RGMA: variants seen among roughly 807,000 people sequenced by gnomAD.
RGMA encodes the protein repulsive guidance molecule BMP co-receptor a, also known as repulsive guidance molecule A.
RGMA carries 10 observed loss-of-function variants against 23.2 expected under a neutral mutation model. The ratio of observed to expected loss-of-function variants is 0.43; its 90% CI spans 0.27 to 0.73. The LOEUF (loss-of-function observed/expected upper bound fraction) is 0.73. Ranked by LOEUF, RGMA falls within the 30% of genes least tolerant of loss-of-function variation. The pLI, the probability that RGMA is intolerant of heterozygous loss-of-function variation, is 0.20. For synonymous variants in RGMA, 308 were observed against 279.3 expected (o/e 1.10, Z -1.03); for missense variants, 547 against 630.5 (o/e 0.87, Z 1.42).
Position 93,069,299 on chromosome 15 carries a change from G to A in RGMA, c.130+3617C>T, listed in dbSNP as rs146974371. Among the ~76,000 whole-genome samples the A allele has an allele frequency of 4.1e-3, 625 of 152,270 alleles. 3 individuals are homozygous for A. The highest frequency in any genetic ancestry group is 7.1e-3 in the Admixed American group (108 of 15,292). Reference sequence around the variant, plus strand: ...TAATTTTTGTATTTTCAGTAGAAACGGGGTTTCGCTATGTTGGTCAGGCTG... The same window carrying A: ...TAATTTTTGTATTTTCAGTAGAAACAGGGTTTCGCTATGTTGGTCAGGCTG... On this transcript the variant is annotated intron_variant, in intron 2 of 3. Transcript: ENST00000329082.
At chr15:93,055,736 A>G (rs1328936616) in intron 2 of RGMA, among the ~76,000 whole-genome samples, 1 of 152,146 alleles carries the variant, frequency 6.6e-6, no homozygotes, top group East Asian at 1.9e-4. Flanking sequence ...TCCAGCAGAC[A>G]AGTTCCAAGG....
rs1005422272 is a variant in RGMA at position 93,048,022 on chromosome 15, C to T, written c.646-2317G>A. 3.9e-5 allele frequency among the ~76,000 whole-genome samples: 6 copies of T among 152,154 alleles called. No homozygotes were observed. In the South Asian group the frequency reaches 8.3e-4, roughly 21 times the overall value. On this transcript the variant is annotated intron_variant, in intron 3 of 3. Transcript: ENST00000329082. ...TGGGGCCCGGAGGCCAGGGGTGCAG[C>T]AGAGTGGCCTGTTTGGGGCGGGCTG... is the stretch of plus-strand genomic sequence containing the variant.
chr15:93,066,063 A>G, intron 2 of RGMA: 1 of 1,516,842 alleles, frequency 6.6e-7, no homozygotes, highest in Non-Finnish European at 9.1e-7. Context: ...GTGGTGGGGC[A>G]ACTGAGGGAG....
At chr15:93,049,137 G>A (rs1176364911) in intron 3 of RGMA, among the ~76,000 whole-genome samples, 1 of 152,250 alleles carries the variant, frequency 6.6e-6, no homozygotes, top group East Asian at 1.9e-4. Flanking sequence ...TGCCGCTCCT[G>A]TCTCTGCTGC....
chr15:93,073,932 G>A, intron 1 of RGMA: 1 of 1,431,834 alleles, frequency 7.0e-7, no homozygotes, highest in Non-Finnish European at 9.1e-7. Flanking sequence ...AGGGCCGGAT[G>A]GTTTGGCGCT....
rs1372453924 is a variant in RGMA at position 93,040,875 on chromosome 15, C to T, written c.*4123G>A. ...CCAGGGCCATGTGCGAGGCCATTGA[C>T]GAGTGTTAGCTCACTGGATTTCCAT... On this transcript the variant is annotated 3_prime_UTR_variant, in exon 4 of 4. Transcript: ENST00000329082. 3.9e-5 allele frequency: 6 copies of T among 152,296 alleles called. No homozygotes were observed. Among genetic ancestry groups the T allele is most frequent in the South Asian group, 2.1e-4 (1 of 4,822 alleles). The allele number at this position is 152,296 out of a possible 1,614,324, so 9.4% of individuals were successfully genotyped here. A position where few individuals can be genotyped will look rare whatever the true frequency, so the allele number is the denominator to read the frequency against.
intron 2 of RGMA, chr15:93,065,696 G>T: frequency 1.7e-6 from 2 of 1,182,520 alleles, no homozygotes; most frequent in Non-Finnish European, 2.5e-6. Context: ...AAGTAGGGGT[G>T]GTTTCGTGGG....
In RGMA at chr15:93,044,845, G is replaced by A. The variant is rs1567176951; in HGVS notation, c.*153C>T. 1.6e-6 allele frequency: 1 copy of A among 631,556 alleles called. No individual in the cohort carries two copies. Among genetic ancestry groups the A allele is most frequent in the East Asian group, 2.7e-5 (1 of 36,422 alleles). 39.1% of individuals were successfully genotyped at this position (631,556 alleles called of 1,614,324 possible). A position where few individuals can be genotyped will look rare whatever the true frequency, so the allele number is the denominator to read the frequency against. On this transcript the variant is annotated 3_prime_UTR_variant, in exon 4 of 4. Transcript: ENST00000329082. ...TTGTCACGTGCACTAGAAGGGGAGG[G>A]GTCCGTGCCTGAGCCCTTGGCAGCA...
intron 1 of RGMA, among the ~76,000 whole-genome samples, chr15:93,082,687 T>A (rs7162922): frequency 3.9e-5 from 6 of 152,166 alleles, no homozygotes; most frequent in African/African-American, 1.2e-4. Context: ...ATATAAAAAC[T>A]TTTTAAGAAG....
chr15:93,072,658 A>C (rs966552174), intron 2 of RGMA, among the ~76,000 whole-genome samples: 4 of 152,138 alleles, frequency 2.6e-5, no homozygotes, highest in Non-Finnish European at 5.9e-5. Flanking sequence ...GAAGGGAGTG[A>C]GGCACCCCGG....
chr15:93,073,867 A>C (rs1596104816), intron 1 of RGMA: 2 of 1,473,252 alleles, frequency 1.4e-6, no homozygotes, highest in Admixed American at 2.3e-5. Context: ...TAACCTTGCC[A>C]CCTTGGCACA....
intron 2 of RGMA, among the ~76,000 whole-genome samples, chr15:93,052,998 T>C (rs964284733): frequency 6.6e-6 from 1 of 152,186 alleles, no homozygotes; most frequent in African/African-American, 2.4e-5. Flanking sequence ...ATCTGGAAGA[T>C]GGGATGATGA....
At chr15:93,077,776 C>T (rs777065758) in intron 1 of RGMA, among the ~76,000 whole-genome samples, 3 of 152,186 alleles carry the variant, frequency 2.0e-5, no homozygotes, top group South Asian at 2.1e-4. Context: ...GGTGCGACCT[C>T]GGCTCACTGC....
intron 2 of RGMA, among the ~76,000 whole-genome samples, chr15:93,058,960 G>C (rs972698216): frequency 3.3e-5 from 5 of 152,184 alleles, no homozygotes; most frequent in African/African-American, 1.2e-4. Context: ...CAATAAAATA[G>C]CCTGCGCTCC....
intron 1 of RGMA, chr15:93,073,870 T>G: frequency 6.8e-7 from 1 of 1,467,220 alleles, no homozygotes; most frequent in Non-Finnish European, 9.0e-7. Context: ...CCTTGCCACC[T>G]TGGCACAGCT....
Position 93,054,410 on chromosome 15 carries a change from C to T in RGMA, c.131-1903G>A, listed in dbSNP as rs377021633. 3.3e-5 allele frequency among the ~76,000 whole-genome samples: 5 copies of T among 152,184 alleles called. No individual in the cohort carries two copies. In the South Asian group the frequency reaches 8.3e-4, roughly 25 times the overall value. Reference sequence around the variant, plus strand: ...TCACCTTGAACTGTAATAATCTCCACGTGTCAAGGGTGGGGCCAGGTGGAG... The same window carrying T: ...TCACCTTGAACTGTAATAATCTCCATGTGTCAAGGGTGGGGCCAGGTGGAG... On this transcript the variant is annotated intron_variant, in intron 2 of 3. Coordinates refer to ENST00000329082, the MANE Select transcript of RGMA (RefSeq NM_020211.3).
Position 93,088,714 on chromosome 15 carries a change from A to G in RGMA, c.14+205T>C, listed in dbSNP as rs866105187. The G allele has an allele frequency of 3.1e-5, 23 of 753,170 alleles. 1 individual carries two copies. The Middle Eastern group carries it at 2.3e-3, about 76-fold the overall frequency. 46.7% of individuals were successfully genotyped at this position (753,170 alleles called of 1,614,324 possible). A position where few individuals can be genotyped will look rare whatever the true frequency, so the allele number is the denominator to read the frequency against. On this transcript the variant is annotated intron_variant, in intron 1 of 3. Coordinates refer to ENST00000329082, the MANE Select transcript of RGMA (RefSeq NM_020211.3). ...CCGGGGGAGAGTATTTTAGGAAAAA[A>G]GAACAAACACCAAACCACAAAAACT...
chr15:93,052,599 C>T (rs762241287), intron 2 of RGMA, 92 bp from the exon 3 acceptor site: 59 of 1,362,572 alleles, frequency 4.3e-5, no homozygotes, highest in East Asian at 1.8e-4. Flanking sequence ...AGCCACACAT[C>T]GCCTCATCTA....
chr15:93,070,721 G>A (rs1296891327), intron 2 of RGMA, among the ~76,000 whole-genome samples: 1 of 152,228 alleles, frequency 6.6e-6, no homozygotes, highest in Non-Finnish European at 1.5e-5. Context: ...CAGCTGTCAA[G>A]CCCTCAAATG....
Sources: allele counts gnomAD v4.1 joint callset (sites outside exome capture counted in the v4.1 genomes callset), GRCh38; gene constraint gnomAD v4.1.1; transcripts MANE v1.5; gene names NCBI Gene and HGNC (gene_info 2026-07-23, HGNC 2026-07-21).